The following SLC2A12 variants were observed in gnomAD, a reference collection of about 807,000 sequenced individuals.
SLC2A12 encodes the protein solute carrier family 2, facilitated glucose transporter member 12.
In SLC2A12, 23 loss-of-function variants were observed where a neutral mutation model predicts 41.8. The ratio of observed to expected loss-of-function variants is 0.55; its 90% CI spans 0.40 to 0.78. The LOEUF (loss-of-function observed/expected upper bound fraction) is 0.78, where lower values mean the gene tolerates loss of function less well. Among genes scored for constraint, SLC2A12 ranks in the 30% least tolerant of loss-of-function variants. The pLI is 0.00. For missense variants in SLC2A12, 654 were observed against 745.6 expected, an observed-to-expected ratio of 0.88 and a Z score of 1.43; for synonymous variants, 295 against 285.9, an observed-to-expected ratio of 1.03 and a Z score of -0.32.
rs1776604983 is a variant in SLC2A12 at position 133,990,441 on chromosome 6, T to C, written c.*714A>G. ...GTCCCAGGATTTTAAAATTGTCTTT[T>C]CTATGCATTTTTTAAAAATGGAAAA... On this transcript the variant is annotated 3_prime_UTR_variant, in exon 5 of 5. Coordinates refer to ENST00000275230, the MANE Select transcript of SLC2A12 (RefSeq NM_145176.3). 1 of 152,634 alleles carries C rather than the reference T, an allele frequency of 6.6e-6. No homozygotes were observed. Among genetic ancestry groups the C allele is most frequent in the Non-Finnish European group, 1.5e-5 (1 of 68,038 alleles). The allele number at this position is 152,634 out of a possible 1,614,324, so 9.5% of individuals were successfully genotyped here.
intron 1 of SLC2A12, among the ~76,000 whole-genome samples, chr6:134,045,453 G>A (rs982067331): frequency 6.6e-6 from 1 of 152,200 alleles, no homozygotes; most frequent in African/African-American, 2.4e-5. Flanking sequence ...TGAAGGTGAA[G>A]AACAGTGTGG....
chr6:134,000,181 A>G (rs1776738491), intron 4 of SLC2A12, among the ~76,000 whole-genome samples: 2 of 152,108 alleles, frequency 1.3e-5, no homozygotes, highest in Admixed American at 1.3e-4. Context: ...TTTTTTGAAA[A>G]CAGGGCCTCA....
At chr6:134,003,220 C>T (rs909947785) in intron 3 of SLC2A12, among the ~76,000 whole-genome samples, 10 of 152,158 alleles carry the variant, frequency 6.6e-5, no homozygotes. Context: ...AAGGAGGAAC[C>T]GCACTGCAGT....
chr6:134,036,256 C>G (rs966379538), intron 1 of SLC2A12, among the ~76,000 whole-genome samples: 1 of 152,162 alleles, frequency 6.6e-6, no homozygotes. Flanking sequence ...ACCCCCACCC[C>G]CACTTCATAT....
At chr6:134,052,247 G>GCAGACA in intron 1 of SLC2A12, 131 bp downstream of exon 1, 2 of 270,240 alleles carry the variant, frequency 7.4e-6, no homozygotes, top group Non-Finnish European at 1.2e-5. Flanking sequence ...GCGCGCGCGC[G>GCAGACA]CATACACACA....
chr6:134,036,889 T>C (rs1777307908), intron 1 of SLC2A12, among the ~76,000 whole-genome samples: 1 of 152,204 alleles, frequency 6.6e-6, no homozygotes. Flanking sequence ...ACTATATTTA[T>C]ATTTTATTAA....
intron 4 of SLC2A12, among the ~76,000 whole-genome samples, chr6:133,997,006 C>A (rs1016883100): frequency 2.3e-4 from 33 of 141,216 alleles, no homozygotes; most frequent in African/African-American, 8.6e-4. Context: ...AACCAGGAGG[C>A]AAAGGCGGGC....
intron 2 of SLC2A12, among the ~76,000 whole-genome samples, chr6:134,023,915 A>T (rs1472900188): frequency 6.6e-6 from 1 of 152,170 alleles, no homozygotes; most frequent in Non-Finnish European, 1.5e-5. Context: ...CTAGAAGGAC[A>T]TTTCCCAGAA....
At chr6:134,042,278 A>G (rs572238686) in intron 1 of SLC2A12, among the ~76,000 whole-genome samples, 12 of 152,332 alleles carry the variant, frequency 7.9e-5, no homozygotes, top group African/African-American at 2.9e-4. Flanking sequence ...AAATGGGAAG[A>G]ACATAAACTA....
At chr6:134,006,186 A>AAC (rs967406016) in intron 3 of SLC2A12, among the ~76,000 whole-genome samples, 2 of 140,926 alleles carry the variant, frequency 1.4e-5, no homozygotes, top group African/African-American at 5.2e-5. Flanking sequence ...GAAAAAAAAA[A>AAC]AAAAAACAAA....
rs978855859 is a variant in SLC2A12, at chr6:133,990,244, A to G, written c.*911T>C. On this transcript the variant is annotated 3_prime_UTR_variant, in exon 5 of 5. Coordinates refer to ENST00000275230, the MANE Select transcript of SLC2A12 (RefSeq NM_145176.3). ...GTAGTGATATTCCTGAGGAGTGTGA[A>G]GAATTGGACACTGTGGATTACTATA... 1.3e-5 allele frequency: 2 copies of G among 152,628 alleles called. No homozygotes were observed. The highest frequency in any genetic ancestry group is 4.8e-5 in the African/African-American group (2 of 41,470). The allele number at this position is 152,628 out of a possible 1,614,324, so 9.5% of individuals were successfully genotyped here. A position where few individuals can be genotyped will look rare whatever the true frequency, so the allele number is the denominator to read the frequency against.
intron 4 of SLC2A12, among the ~76,000 whole-genome samples, chr6:133,993,067 G>A (rs780120329): frequency 5.3e-5 from 8 of 152,034 alleles, no homozygotes; most frequent in Non-Finnish European, 7.4e-5. Context: ...AACACTTCTG[G>A]CTTTCCTCCA....
chr6:134,001,805 C>G (rs1019810878), intron 4 of SLC2A12, among the ~76,000 whole-genome samples, 192 bp downstream of exon 4: 1 of 151,152 alleles, frequency 6.6e-6, no homozygotes, highest in African/African-American at 2.4e-5. Flanking sequence ...GTTATTCTTC[C>G]TTAGCTGAAT....
chr6:134,043,961 C>T (rs1472698579), intron 1 of SLC2A12, among the ~76,000 whole-genome samples: 1 of 152,154 alleles, frequency 6.6e-6, no homozygotes, highest in African/African-American at 2.4e-5. Context: ...TTGTCATCCT[C>T]TTTCCCTGCT....
chr6:134,032,460 A>T (rs1312989132), intron 1 of SLC2A12, among the ~76,000 whole-genome samples: 6 of 36,000 alleles, frequency 1.7e-4, no homozygotes, highest in African/African-American at 6.1e-4. Context: ...ATATATATAT[A>T]TATATTTTTA....
chr6:134,049,593 A>C (rs1358163937), intron 1 of SLC2A12, among the ~76,000 whole-genome samples: 1 of 152,224 alleles, frequency 6.6e-6, no homozygotes, highest in Non-Finnish European at 1.5e-5. Flanking sequence ...AGGCACCAGA[A>C]TTTCAAACTG....
intron 2 of SLC2A12, among the ~76,000 whole-genome samples, chr6:134,024,692 C>T (rs990739700): frequency 1.3e-5 from 2 of 152,154 alleles, no homozygotes; most frequent in African/African-American, 4.8e-5. Flanking sequence ...TTAAATGCAT[C>T]TTAATATGCG....
intron 1 of SLC2A12, among the ~76,000 whole-genome samples, chr6:134,035,152 A>C (rs987197890): frequency 1.6e-4 from 5 of 30,700 alleles, no homozygotes; most frequent in African/African-American, 2.8e-4. Flanking sequence ...GCTGCCTGAC[A>C]AAAAAAAAAA....
Position 134,015,579 on chromosome 6 carries a change from G to C in SLC2A12, c.1445-8645C>G, listed in dbSNP as rs145244182. ...AGATATGTAATTATCCCATAAGAATGGTGGAAGAGGAAGATGAGCAGAGAA... is the reference window on the plus strand; with the variant it reads ...AGATATGTAATTATCCCATAAGAATCGTGGAAGAGGAAGATGAGCAGAGAA... On this transcript the variant is annotated intron_variant, in intron 2 of 4. Transcript: ENST00000275230. Among the ~76,000 whole-genome samples the C allele has an allele frequency of 3.9e-3, 596 of 152,306 alleles. 3 individuals are homozygous for C. The highest frequency in any genetic ancestry group is 0.013 in the African/African-American group (541 of 41,574).
Sources: allele counts gnomAD v4.1 joint callset (sites outside exome capture counted in the v4.1 genomes callset), GRCh38; gene constraint gnomAD v4.1.1; transcripts MANE v1.5; gene names NCBI Gene and HGNC (gene_info 2026-07-23, HGNC 2026-07-21).